Variants in GUCY1A2 observed in about 807,000 individuals in gnomAD.
The protein encoded by GUCY1A2 is guanylate cyclase soluble subunit alpha-2.
Under a neutral mutation model 63.5 loss-of-function variants are expected in GUCY1A2, and 27 were observed. The observed-to-expected ratio is 0.43, with a 90% CI of 0.31 to 0.59. The LOEUF (loss-of-function observed/expected upper bound fraction) is 0.59. Ranked by LOEUF, GUCY1A2 falls within the 20% of genes least tolerant of loss-of-function variation. GUCY1A2 has a pLI of 0.11. For synonymous variants in GUCY1A2, 364 were observed against 343.5 expected (o/e 1.06, Z -0.66); for missense variants, 768 against 913.3 (o/e 0.84, Z 2.05).
intron 4 of GUCY1A2, among the ~76,000 whole-genome samples, chr11:106,825,164 A>T (rs1295230428): frequency 1.3e-5 from 2 of 152,194 alleles, no homozygotes; most frequent in Non-Finnish European, 2.9e-5. Flanking sequence ...AGTATAAAAC[A>T]AGGGAAAAAT....
intron 3 of GUCY1A2, among the ~76,000 whole-genome samples, chr11:106,957,625 T>C (rs1861004395): frequency 6.6e-6 from 1 of 151,940 alleles, no homozygotes; most frequent in South Asian, 2.1e-4. Flanking sequence ...CTTGTCAATT[T>C]TGGCGAGAGA....
chr11:106,748,382 T>C (rs1468998660), intron 6 of GUCY1A2, among the ~76,000 whole-genome samples: 1 of 152,222 alleles, frequency 6.6e-6, no homozygotes, highest in African/African-American at 2.4e-5. Flanking sequence ...GCTGTGTATA[T>C]GTACACATAC....
At chr11:106,935,842 C>CGCA (rs1057510290) in intron 4 of GUCY1A2, among the ~76,000 whole-genome samples, 1 of 148,542 alleles carries the variant, frequency 6.7e-6, no homozygotes, top group Non-Finnish European at 1.5e-5. Flanking sequence ...CAGCAAGACT[C>CGCA]CATCTCCAAA....
chr11:106,834,683 G>C (rs1348229477), intron 4 of GUCY1A2, among the ~76,000 whole-genome samples: 1 of 152,004 alleles, frequency 6.6e-6, no homozygotes, highest in African/African-American at 2.4e-5. Flanking sequence ...AAATAGGTGA[G>C]GAAAATCTCC....
At chr11:106,982,136 A>G (rs1483561575) in intron 2 of GUCY1A2, among the ~76,000 whole-genome samples, 1 of 152,182 alleles carries the variant, frequency 6.6e-6, no homozygotes, top group Non-Finnish European at 1.5e-5. Flanking sequence ...TAACCTTCCC[A>G]AGATTATTCA....
chr11:106,826,973 A>ATATC, intron 4 of GUCY1A2: 1 of 1,610,400 alleles, frequency 6.2e-7, no homozygotes, highest in Non-Finnish European at 8.5e-7. Flanking sequence ...TCGCAGCCAT[A>ATATC]TATCTTTTCA....
At chr11:106,892,397 T>G (rs963706284) in intron 4 of GUCY1A2, among the ~76,000 whole-genome samples, 5 of 152,122 alleles carry the variant, frequency 3.3e-5, no homozygotes, top group African/African-American at 9.7e-5. Context: ...ATAATTGAAC[T>G]TTTGTAATAA....
At chr11:106,813,305 A>G (rs1006412048) in intron 4 of GUCY1A2, among the ~76,000 whole-genome samples, 1 of 152,010 alleles carries the variant, frequency 6.6e-6, no homozygotes, top group Non-Finnish European at 1.5e-5. Flanking sequence ...GTTAAATATC[A>G]TACTATCACA....
At chr11:106,945,610 G>A (rs1317371520) in intron 3 of GUCY1A2, among the ~76,000 whole-genome samples, 1 of 152,142 alleles carries the variant, frequency 6.6e-6, no homozygotes, top group Non-Finnish European at 1.5e-5. Flanking sequence ...ATACATATTA[G>A]ACATGTATTA....
At chr11:106,738,141 G>A (rs1162094023) in intron 6 of GUCY1A2, among the ~76,000 whole-genome samples, 1 of 152,208 alleles carries the variant, frequency 6.6e-6, no homozygotes, top group African/African-American at 2.4e-5. Flanking sequence ...TTCCTCCAAT[G>A]ACCAGTGATG....
rs565324065 is a variant in GUCY1A2 at position 106,989,507 on chromosome 11, G to A, written c.304-3376C>T. Reference sequence around the variant, plus strand: ...AGAGCAACATCTCTGACACACAGTCGGTGTGTAATAAATGAGAGATATGGC... The same window carrying A: ...AGAGCAACATCTCTGACACACAGTCAGTGTGTAATAAATGAGAGATATGGC... On this transcript the variant is annotated intron_variant, in intron 1 of 7. Transcript: ENST00000526355. 7.9e-5 allele frequency among the ~76,000 whole-genome samples: 12 copies of A among 152,098 alleles called. No individual in the cohort carries two copies. The South Asian group carries it at 2.1e-3, about 26-fold the overall frequency.
intron 4 of GUCY1A2, among the ~76,000 whole-genome samples, chr11:106,889,959 T>C (rs534200959): frequency 1.3e-5 from 2 of 152,298 alleles, no homozygotes; most frequent in South Asian, 4.1e-4. Flanking sequence ...AGAGTCCACC[T>C]TATATAATTA....
chr11:106,815,783 C>T lies in GUCY1A2; in HGVS notation c.1207-5305G>A, dbSNP rs1858822632. 1.3e-5 allele frequency among the ~76,000 whole-genome samples: 2 copies of T among 151,996 alleles called. 1 individual carries two copies. The highest frequency in any genetic ancestry group is 4.1e-4 in the South Asian group (2 of 4,820). ...GAGACCACACATGCACACAGACACA[C>T]AAACACACGCACACACACACCACAC... On this transcript the variant is annotated intron_variant, in intron 4 of 7. Coordinates refer to ENST00000526355, the MANE Select transcript of GUCY1A2 (RefSeq NM_000855.3).
At chr11:106,892,547 C>T (rs903053979) in intron 4 of GUCY1A2, among the ~76,000 whole-genome samples, 1 of 152,094 alleles carries the variant, frequency 6.6e-6, no homozygotes, top group Non-Finnish European at 1.5e-5. Flanking sequence ...TACCTTTGTT[C>T]TTACAACTTA....
Position 106,776,586 on chromosome 11 carries a change from C to A in GUCY1A2, c.1693-4G>T, listed in dbSNP as rs1385914964. ...AGGCATCACCTATTGTTTCCACCTG[C>A]AGCAATCAGACAAATCAAATGCAAA... On this transcript the variant is annotated splice_polypyrimidine_tract_variant and splice_region_variant and intron_variant, in intron 5 of 7. Transcript: ENST00000526355. The A allele has an allele frequency of 6.2e-7, 1 of 1,612,348 alleles. No homozygotes were observed. The highest frequency in any genetic ancestry group is 1.7e-5 in the Admixed American group (1 of 59,760).
At chr11:106,887,158 G>C (rs888322676) in intron 4 of GUCY1A2, among the ~76,000 whole-genome samples, 3 of 151,780 alleles carry the variant, frequency 2.0e-5, no homozygotes, top group Admixed American at 1.3e-4. Context: ...TTATTCTTTT[G>C]ATAAAAATCT....
intron 6 of GUCY1A2, among the ~76,000 whole-genome samples, chr11:106,712,402 G>A (rs1591243020): frequency 6.6e-6 from 1 of 152,136 alleles, no homozygotes; most frequent in East Asian, 1.9e-4. Context: ...TGAAAATATG[G>A]AATACAGTTA....
At chr11:107,007,591 C>G (rs1022826732) in intron 1 of GUCY1A2, among the ~76,000 whole-genome samples, 1 of 152,108 alleles carries the variant, frequency 6.6e-6, no homozygotes, top group Non-Finnish European at 1.5e-5. Flanking sequence ...GATCTACATA[C>G]TCATTATCTC....
At chr11:106,857,759 T>G (rs542885004) in intron 4 of GUCY1A2, among the ~76,000 whole-genome samples, 1 of 152,354 alleles carries the variant, frequency 6.6e-6, no homozygotes, top group East Asian at 1.9e-4. Context: ...AAAAATACAG[T>G]ATAGCAACTA....
Sources: allele counts gnomAD v4.1 joint callset (sites outside exome capture counted in the v4.1 genomes callset), GRCh38; gene constraint gnomAD v4.1.1; transcripts MANE v1.5; gene names NCBI Gene and HGNC (gene_info 2026-07-23, HGNC 2026-07-21).